Variants in LUZP2 observed in about 807,000 individuals in gnomAD.
LUZP2 encodes the protein leucine zipper protein 2.
Under a neutral mutation model 51.6 loss-of-function variants are expected in LUZP2, and 52 were observed. That is an observed-to-expected ratio of 1.01 (90% CI 0.81 to 1.27). The LOEUF is 1.27. Ranked by LOEUF, LUZP2 falls within the 50% of genes most tolerant of loss-of-function variation. The probability of loss-of-function intolerance (pLI) is 0.00; values close to 1 mark genes in which losing one functional copy is unlikely to be tolerated. For missense variants in LUZP2, 436 were observed against 395.4 expected (o/e 1.10, Z -0.87); for synonymous variants, 154 against 137.3 (o/e 1.12, Z -0.85).
chr11:25,002,345 G>T (rs1277771922), intron 9 of LUZP2, among the ~76,000 whole-genome samples: 3 of 152,192 alleles, frequency 2.0e-5, no homozygotes, highest in African/African-American at 7.2e-5. Context: ...ATCTCGGGCA[G>T]CATAAGTCTG....
intron 7 of LUZP2, among the ~76,000 whole-genome samples, chr11:24,975,022 A>G (rs1012219470): frequency 1.3e-5 from 2 of 152,160 alleles, no homozygotes; most frequent in Non-Finnish European, 2.9e-5. Flanking sequence ...CTTATCCACC[A>G]GCAGTTTGAC....
At chr11:24,725,657 G>C (rs10834458) in intron 1 of LUZP2, among the ~76,000 whole-genome samples, 54,325 of 151,840 alleles carry the variant, frequency 0.36, 10,108 homozygotes, top group Non-Finnish European at 0.41. Flanking sequence ...TAATGACAAT[G>C]AACTAAAACC....
chr11:24,598,262 C>T (rs1171691317), intron 1 of LUZP2, among the ~76,000 whole-genome samples: 1 of 151,880 alleles, frequency 6.6e-6, no homozygotes, highest in African/African-American at 2.4e-5. Flanking sequence ...AAGTGAGAGA[C>T]AATTACATAA....
At chr11:24,838,099 G>A (rs901346706) in intron 5 of LUZP2, among the ~76,000 whole-genome samples, 5 of 15,176 alleles carry the variant, frequency 3.3e-4, no homozygotes, top group African/African-American at 3.6e-4. Context: ...CTAAGGCTTA[G>A]AAGAAAGTTA....
chr11:24,980,126 TG>T lies in LUZP2; in HGVS notation c.598-2998del, dbSNP rs1445823744. On this transcript the variant is annotated intron_variant, in intron 8 of 11. Transcript: ENST00000336930. ...AAGTGTTTGGCCTCACAGTCTCTCATGGTCTTTCCAAAGCTGGCAGTTCAGG... is the reference window on the plus strand; with the variant it reads ...AAGTGTTTGGCCTCACAGTCTCTCATGTCTTTCCAAAGCTGGCAGTTCAGG... Among the ~76,000 whole-genome samples the T allele has an allele frequency of 2.0e-5, 3 of 151,882 alleles. No individual in the cohort carries two copies. In the East Asian group the frequency reaches 5.8e-4, roughly 30 times the overall value.
At chr11:24,751,292 A>G (rs61875749) in intron 4 of LUZP2, among the ~76,000 whole-genome samples, 25,650 of 152,092 alleles carry the variant, frequency 0.17, 2,429 homozygotes, top group Non-Finnish European at 0.2. Flanking sequence ...AAGATGACTC[A>G]CAGAAATGAA....
intron 5 of LUZP2, among the ~76,000 whole-genome samples, chr11:24,901,237 A>T (rs546944679): frequency 6.6e-6 from 1 of 152,206 alleles, no homozygotes; most frequent in South Asian, 2.1e-4. Context: ...CTGAGGCCAG[A>T]TGCTTCATAT....
intron 1 of LUZP2, among the ~76,000 whole-genome samples, chr11:24,601,888 G>GTATATATATGTATATATGTATATATGTA (rs34392590): frequency 1.2e-3 from 124 of 104,186 alleles, no homozygotes; most frequent in African/African-American, 6.4e-3. Context: ...ATGTATATAT[G>GTATATATATGTATATATGTATATATGTA]TATATATGTA....
chr11:24,537,575 C>T (rs1000259880), intron 1 of LUZP2, among the ~76,000 whole-genome samples: 1 of 151,772 alleles, frequency 6.6e-6, no homozygotes, highest in East Asian at 1.9e-4. Context: ...ATCAAAGGTT[C>T]TTTTATTTTG....
intron 5 of LUZP2, among the ~76,000 whole-genome samples, chr11:24,790,045 A>G (rs935354950): frequency 5.9e-5 from 9 of 152,172 alleles, no homozygotes; most frequent in Middle Eastern, 6.8e-3. Flanking sequence ...TTGAATTTAT[A>G]CTCCACTCGT....
intron 1 of LUZP2, among the ~76,000 whole-genome samples, chr11:24,719,517 T>G (rs907398437): frequency 1.3e-5 from 2 of 152,312 alleles, no homozygotes; most frequent in African/African-American, 4.8e-5. Flanking sequence ...CAATGCACAA[T>G]GTAACAAGTA....
At chr11:24,833,712 G>GCGCACACA (rs112834221) in intron 5 of LUZP2, among the ~76,000 whole-genome samples, 10 of 147,232 alleles carry the variant, frequency 6.8e-5, no homozygotes, top group African/African-American at 2.5e-4. Context: ...CCGCGCGCGC[G>GCGCACACA]CACACACACA....
chr11:25,043,673 A>G lies in LUZP2; in HGVS notation c.766-6365A>G, dbSNP rs187662967. On this transcript the variant is annotated intron_variant, in intron 9 of 11. Coordinates refer to ENST00000336930, the MANE Select transcript of LUZP2 (RefSeq NM_001009909.4). ...TTTTCCTAGCTCTTGATTATATTTC[A>G]TAATCCTTGATGTATATATATCATA... 2.0e-3 allele frequency among the ~76,000 whole-genome samples: 293 copies of G among 148,644 alleles called. 1 individual carries two copies. Among genetic ancestry groups the G allele is most frequent in the South Asian group, 4.4e-3 (21 of 4,730 alleles).
At chr11:24,564,421 A>G (rs980531134) in intron 1 of LUZP2, among the ~76,000 whole-genome samples, 1 of 152,324 alleles carries the variant, frequency 6.6e-6, no homozygotes, top group Admixed American at 6.5e-5. Flanking sequence ...AATTACTATC[A>G]CAAAAATAAC....
intron 4 of LUZP2, among the ~76,000 whole-genome samples, chr11:24,738,982 T>G (rs1203038642): frequency 6.6e-6 from 1 of 152,052 alleles, no homozygotes; most frequent in Non-Finnish European, 1.5e-5. Context: ...TATCTTGTTT[T>G]CAAGATCTGA....
chr11:24,881,989 T>G (rs1852484349), intron 5 of LUZP2, among the ~76,000 whole-genome samples: 1 of 152,028 alleles, frequency 6.6e-6, no homozygotes, highest in Admixed American at 6.6e-5. Context: ...CTCAATTCCT[T>G]ATTTAATTAG....
intron 1 of LUZP2, among the ~76,000 whole-genome samples, chr11:24,517,539 T>TA (rs1484948996): frequency 1.4e-5 from 2 of 147,682 alleles, no homozygotes; most frequent in African/African-American, 2.5e-5. Context: ...AAATTTTATG[T>TA]AAGTTTTTTA....
intron 9 of LUZP2, among the ~76,000 whole-genome samples, chr11:24,988,543 G>T (rs921167570): frequency 1.3e-5 from 2 of 151,880 alleles, no homozygotes; most frequent in African/African-American, 4.8e-5. Context: ...AAGAATCTAT[G>T]GATGTAAAAT....
At chr11:24,931,274 A>AAAATAAAAT (rs1565126198) in intron 7 of LUZP2, among the ~76,000 whole-genome samples, 31 of 147,148 alleles carry the variant, frequency 2.1e-4, no homozygotes, top group African/African-American at 7.2e-4. Context: ...TAAAATAAAA[A>AAAATAAAAT]GTTCTTTTTT....
Sources: gnomAD v4.1 joint callset for allele counts (sites outside exome capture counted in the v4.1 genomes callset) on GRCh38, gnomAD v4.1.1 for gene constraint, MANE v1.5 for transcripts, NCBI Gene and HGNC (gene_info 2026-07-23, HGNC 2026-07-21) for gene names.